PACRG: variants seen among roughly 807,000 people sequenced by gnomAD.
The protein encoded by PACRG is parkin coregulated gene protein.
Under a neutral mutation model 29.7 loss-of-function variants are expected in PACRG, and 29 were observed. The observed-to-expected ratio is 0.98, with a 90% CI of 0.73 to 1.33. The LOEUF (loss-of-function observed/expected upper bound fraction) is 1.33. Ranked by LOEUF, PACRG falls within the 40% of genes most tolerant of loss-of-function variation. The pLI, the probability that PACRG is intolerant of heterozygous loss-of-function variation, is 0.00. For missense variants in PACRG, 279 were observed against 316.2 expected (o/e 0.88, Z 0.89); for synonymous variants, 116 against 118.7 (o/e 0.98, Z 0.15).
Position 162,852,008 on chromosome 6 carries a change from G to GAAGGAAGGA in PACRG, c.291+37729_291+37737dup, listed in dbSNP as rs1186641521. ...AAAAGGGAGGGAGGGAGGGAGGGAG[G>GAAGGAAGGA]AAGGAAGGAAGGAAGGAAGGAAGGA... On this transcript the variant is annotated intron_variant, in intron 2 of 4. Coordinates refer to ENST00000366888, the MANE Select transcript of PACRG (RefSeq NM_001080379.2). 7.8e-3 allele frequency among the ~76,000 whole-genome samples: 921 copies of GAAGGAAGGA among 117,970 alleles called. 10 individuals carry two copies. The highest frequency in any genetic ancestry group is 0.023 in the African/African-American group (824 of 35,656). 77.4% of individuals were successfully genotyped at this position (117,970 alleles called of 152,430 possible).
intron 2 of PACRG, among the ~76,000 whole-genome samples, chr6:162,837,567 G>A (rs1381438195): frequency 2.6e-5 from 4 of 152,022 alleles, no homozygotes; most frequent in Non-Finnish European, 5.9e-5. Flanking sequence ...ATTTTTAGTT[G>A]GATTTGACAG....
chr6:162,730,613 C>T (rs1202587218), intron 1 of PACRG, among the ~76,000 whole-genome samples: 3 of 151,976 alleles, frequency 2.0e-5, no homozygotes, highest in African/African-American at 7.2e-5. Context: ...AGCAGAAATG[C>T]TTATTTAAAC....
At position 162,947,367 on chromosome 6, in the gene PACRG, C is replaced by CATATATAATCATATATATAATCATATATA. The variant is rs1799156936; in HGVS notation, c.292-114765_292-114737dup. 1.9e-4 allele frequency among the ~76,000 whole-genome samples: 8 copies of CATATATAATCATATATATAATCATATATA among 41,854 alleles called. No individual in the cohort carries two copies. The East Asian group carries it at 2.1e-3, about 11-fold the overall frequency. The allele number at this position is 41,854 out of a possible 152,430, so 27.5% of individuals were successfully genotyped here. A position where few individuals can be genotyped will look rare whatever the true frequency, so the allele number is the denominator to read the frequency against. ...AATGATTACATATATATAATGTAAT[C>CATATATAATCATATATATAATCATATATA]ATATATAATCATATATATAATCATA... is the stretch of plus-strand genomic sequence containing the variant. On this transcript the variant is annotated intron_variant, in intron 2 of 4. Coordinates refer to ENST00000366888, the MANE Select transcript of PACRG (RefSeq NM_001080379.2).
chr6:162,735,973 T>G (rs1780136199), intron 1 of PACRG, among the ~76,000 whole-genome samples: 1 of 152,176 alleles, frequency 6.6e-6, no homozygotes, highest in African/African-American at 2.4e-5. Context: ...AGCATCAATT[T>G]TGTCATTCAT....
At chr6:162,854,180 T>A (rs1791171918) in intron 2 of PACRG, among the ~76,000 whole-genome samples, 1 of 148,494 alleles carries the variant, frequency 6.7e-6, no homozygotes, top group South Asian at 2.1e-4. Flanking sequence ...TTTTTTTTTT[T>A]AATTGAATGA....
At chr6:163,046,224 TCA>T (rs1301358507) in intron 2 of PACRG, among the ~76,000 whole-genome samples, 1 of 151,170 alleles carries the variant, frequency 6.6e-6, no homozygotes, top group Non-Finnish European at 1.5e-5. Flanking sequence ...CCTCCTCATC[TCA>T]CAGGGCTCAT....
intron 4 of PACRG, among the ~76,000 whole-genome samples, chr6:163,098,089 T>G (rs1814763888): frequency 6.6e-6 from 1 of 152,188 alleles, no homozygotes; most frequent in African/African-American, 2.4e-5. Flanking sequence ...CCACGTTATA[T>G]AGGGTTAAAT....
chr6:162,944,020 C>T (rs147427057), intron 2 of PACRG, among the ~76,000 whole-genome samples: 1,704 of 152,280 alleles, frequency 0.011, 17 homozygotes, highest in Non-Finnish European at 0.019. Flanking sequence ...CAAGAATATG[C>T]CTGCCTGGTC....
At chr6:163,081,370 A>G (rs1470716668) in intron 3 of PACRG, among the ~76,000 whole-genome samples, 1 of 152,200 alleles carries the variant, frequency 6.6e-6, no homozygotes. Context: ...CTTAATGGCT[A>G]CAGAGTTGTG....
intron 1 of PACRG, among the ~76,000 whole-genome samples, chr6:162,745,613 A>G (rs1780931746): frequency 6.6e-6 from 1 of 152,232 alleles, no homozygotes; most frequent in African/African-American, 2.4e-5. Flanking sequence ...ATACTTGACC[A>G]GACAGTGGTC....
At chr6:163,092,956 T>C (rs115682937) in intron 4 of PACRG, among the ~76,000 whole-genome samples, 2,671 of 152,320 alleles carry the variant, frequency 0.018, 88 homozygotes, top group African/African-American at 0.061. Context: ...TGTGAGCCTG[T>C]GAGTGGCATG....
chr6:163,209,493 C>A lies in PACRG; in HGVS notation c.614-105334C>A, dbSNP rs1435509370. Among the ~76,000 whole-genome samples the A allele has an allele frequency of 7.9e-5, 12 of 152,134 alleles. No homozygotes were observed. In the South Asian group the frequency reaches 2.1e-3, roughly 26 times the overall value. On this transcript the variant is annotated intron_variant, in intron 4 of 4. Coordinates refer to ENST00000366888, the MANE Select transcript of PACRG (RefSeq NM_001080379.2). ...GGCATAAAGTAGAGATTGAATGATA[C>A]CCACAACAAATAATTGTTAATATTG... is the stretch of plus-strand genomic sequence containing the variant.
At chr6:162,947,744 C>T (rs2095279) in intron 2 of PACRG, among the ~76,000 whole-genome samples, 17,712 of 144,856 alleles carry the variant, frequency 0.12, 1,617 homozygotes, top group East Asian at 0.26. Flanking sequence ...GCAGTGTTTC[C>T]ATTCACCAAT....
intron 4 of PACRG, among the ~76,000 whole-genome samples, chr6:163,239,440 A>G (rs1395812013): frequency 2.6e-5 from 4 of 152,114 alleles, no homozygotes; most frequent in Admixed American, 2.0e-4. Flanking sequence ...CTACACTTCA[A>G]CACTTGATCA....
At chr6:162,865,049 C>G (rs1792181973) in intron 2 of PACRG, among the ~76,000 whole-genome samples, 1 of 152,022 alleles carries the variant, frequency 6.6e-6, no homozygotes, top group Admixed American at 6.6e-5. Flanking sequence ...AATCTTTCAC[C>G]AATTACTAAA....
intron 2 of PACRG, among the ~76,000 whole-genome samples, chr6:162,903,543 G>A (rs1337766342): frequency 6.6e-6 from 1 of 151,994 alleles, no homozygotes; most frequent in Admixed American, 6.6e-5. Flanking sequence ...AAGTGAAAGG[G>A]GTTTCCCCTT....
intron 4 of PACRG, among the ~76,000 whole-genome samples, chr6:163,254,990 C>T (rs1376884126): frequency 2.0e-5 from 3 of 152,324 alleles, no homozygotes; most frequent in East Asian, 3.9e-4. Context: ...TCAGGTTCTC[C>T]CTTACACGTG....
At chr6:162,811,864 T>A (rs1438467093) in intron 1 of PACRG, among the ~76,000 whole-genome samples, 1 of 152,124 alleles carries the variant, frequency 6.6e-6, no homozygotes. Flanking sequence ...TCAGCTCCAA[T>A]AAGCATTTCC....
At chr6:162,882,186 G>A (rs891366571) in intron 2 of PACRG, among the ~76,000 whole-genome samples, 1 of 139,786 alleles carries the variant, frequency 7.2e-6, no homozygotes, top group Non-Finnish European at 1.6e-5. Context: ...CCAGAGACTG[G>A]GGGTGGGGGG....
Sources: allele counts gnomAD v4.1 joint callset (sites outside exome capture counted in the v4.1 genomes callset), GRCh38; gene constraint gnomAD v4.1.1; transcripts MANE v1.5; gene names NCBI Gene and HGNC (gene_info 2026-07-23, HGNC 2026-07-21).